Variants in AUTS2 observed in about 807,000 individuals in gnomAD.
The protein encoded by AUTS2 is autism susceptibility gene 2 protein.
In AUTS2, 17 loss-of-function variants were observed where a neutral mutation model predicts 112.4. The ratio of observed to expected loss-of-function variants is 0.15; its 90% CI spans 0.10 to 0.23. AUTS2 has a LOEUF of 0.23. Among genes scored for constraint, AUTS2 ranks in the 10% least tolerant of loss-of-function variants. The pLI is 1.00. For synonymous variants in AUTS2, 751 were observed against 702.7 expected, an observed-to-expected ratio of 1.07 and a Z score of -1.09; for missense variants, 1,510 against 1,701.6, an observed-to-expected ratio of 0.89 and a Z score of 1.98.
At chr7:70,033,280 A>G (rs1289121342) in intron 2 of AUTS2, among the ~76,000 whole-genome samples, 1 of 152,228 alleles carries the variant, frequency 6.6e-6, no homozygotes, top group Non-Finnish European at 1.5e-5. Flanking sequence ...AAAGGTTTTA[A>G]GCAGTGAGCA....
chr7:70,306,273 A>G (rs1486103614), intron 4 of AUTS2, among the ~76,000 whole-genome samples: 2 of 152,196 alleles, frequency 1.3e-5, no homozygotes, highest in Non-Finnish European at 2.9e-5. Context: ...ACTAGTCTTA[A>G]AGTCATAGCA....
intron 2 of AUTS2, among the ~76,000 whole-genome samples, chr7:69,926,497 G>A (rs1452582911): frequency 1.5e-4 from 22 of 143,700 alleles, no homozygotes; most frequent in Admixed American, 8.3e-4. Flanking sequence ...CTATCTGCCT[G>A]CCTACCTACC....
intron 5 of AUTS2, among the ~76,000 whole-genome samples, chr7:70,693,217 T>C (rs1808849864): frequency 6.6e-6 from 1 of 152,212 alleles, no homozygotes; most frequent in South Asian, 2.1e-4. Context: ...CAGGGGAATC[T>C]GCTGAGTGCC....
At chr7:70,011,741 C>A (rs1344043447) in intron 2 of AUTS2, among the ~76,000 whole-genome samples, 1 of 152,154 alleles carries the variant, frequency 6.6e-6, no homozygotes, top group Non-Finnish European at 1.5e-5. Flanking sequence ...TTTGCATAAT[C>A]CAGATTGCTT....
chr7:69,776,205 G>A (rs1788889784), intron 1 of AUTS2, among the ~76,000 whole-genome samples: 1 of 152,154 alleles, frequency 6.6e-6, no homozygotes, highest in Non-Finnish European at 1.5e-5. Flanking sequence ...ATACTTATTA[G>A]GAATCGTCAG....
intron 1 of AUTS2, among the ~76,000 whole-genome samples, chr7:69,884,239 C>G (rs555471452): frequency 2.0e-5 from 3 of 152,330 alleles, no homozygotes; most frequent in East Asian, 1.9e-4. Flanking sequence ...ACAGCTCTTA[C>G]AGATAAACTA....
At chr7:70,760,227 G>A (rs13230628) in intron 6 of AUTS2, among the ~76,000 whole-genome samples, 25 of 152,108 alleles carry the variant, frequency 1.6e-4, no homozygotes, top group South Asian at 1.5e-3. Context: ...GGATGGTCTC[G>A]ATCTCCTGAC....
chr7:69,926,445 GTCTATCTATCTA>G lies in AUTS2; in HGVS notation c.522+26983_522+26994del, dbSNP rs10677736. On this transcript the variant is annotated intron_variant, in intron 2 of 18. Transcript: ENST00000342771. ...CTGAAATCTATCTGTCTGTCTGTCTGTCTATCTATCTATCTATCTATCTATCTATCTATCTAT... is the reference window on the plus strand; with the variant it reads ...CTGAAATCTATCTGTCTGTCTGTCTGTCTATCTATCTATCTATCTATCTAT... 4.5e-3 allele frequency among the ~76,000 whole-genome samples: 556 copies of G among 123,192 alleles called. 2 individuals are homozygous for G. The highest frequency in any genetic ancestry group is 0.013 in the African/African-American group (384 of 30,566). The allele number at this position is 123,192 out of a possible 152,430, so 80.8% of individuals were successfully genotyped here.
intron 5 of AUTS2, among the ~76,000 whole-genome samples, chr7:70,660,228 T>C (rs1001406542): frequency 4.6e-5 from 7 of 151,884 alleles, no homozygotes; most frequent in African/African-American, 1.5e-4. Context: ...TGCAGGCAAC[T>C]GTGCATGGCA....
At chr7:70,544,253 G>A (rs1299502601) in intron 5 of AUTS2, among the ~76,000 whole-genome samples, 1 of 152,184 alleles carries the variant, frequency 6.6e-6, no homozygotes, top group Non-Finnish European at 1.5e-5. Flanking sequence ...TCACTTGGAG[G>A]CATTTTAAGT....
intron 1 of AUTS2, among the ~76,000 whole-genome samples, chr7:69,751,747 T>C (rs1459422683): frequency 1.3e-5 from 2 of 152,230 alleles, no homozygotes; most frequent in African/African-American, 4.8e-5. Context: ...GTATAGTGTT[T>C]AGGCTTAAAA....
chr7:70,445,536 C>A (rs916947023), intron 5 of AUTS2, among the ~76,000 whole-genome samples: 1 of 152,174 alleles, frequency 6.6e-6, no homozygotes, highest in Non-Finnish European at 1.5e-5. Flanking sequence ...ATTGTACAGG[C>A]TCTTCTGAAG....
At chr7:70,681,863 C>T (rs1808229136) in intron 5 of AUTS2, among the ~76,000 whole-genome samples, 1 of 152,138 alleles carries the variant, frequency 6.6e-6, no homozygotes, top group African/African-American at 2.4e-5. Context: ...CATATTCGAC[C>T]CCATGTTTTG....
chr7:70,678,299 T>G (rs1408990132), intron 5 of AUTS2, among the ~76,000 whole-genome samples: 1 of 152,140 alleles, frequency 6.6e-6, no homozygotes, highest in South Asian at 2.1e-4. Context: ...ACAGCGGAAG[T>G]GTGTATGCTT....
At chr7:70,470,532 A>C (rs1291522527) in intron 5 of AUTS2, among the ~76,000 whole-genome samples, 1 of 152,178 alleles carries the variant, frequency 6.6e-6, no homozygotes, top group Non-Finnish European at 1.5e-5. Context: ...TGCTTCCTAG[A>C]GTCAACGCTA....
intron 1 of AUTS2, among the ~76,000 whole-genome samples, chr7:69,693,816 T>C (rs1797445411): frequency 6.6e-6 from 1 of 152,202 alleles, no homozygotes; most frequent in Non-Finnish European, 1.5e-5. Flanking sequence ...AGCCTGGTGG[T>C]TCTCAAAGCA....
chr7:70,533,353 A>G (rs1262410782), intron 5 of AUTS2, among the ~76,000 whole-genome samples: 2 of 152,110 alleles, frequency 1.3e-5, no homozygotes, highest in South Asian at 2.1e-4. Context: ...GGCACACGCG[A>G]TCCTCACACC....
At chr7:69,738,734 A>T (rs1003887057) in intron 1 of AUTS2, among the ~76,000 whole-genome samples, 7 of 152,188 alleles carry the variant, frequency 4.6e-5, no homozygotes, top group South Asian at 2.1e-4. Flanking sequence ...GGCGTGATTG[A>T]TGCCAGAATC....
chr7:70,735,006 G>GAA (rs879469662), intron 6 of AUTS2, among the ~76,000 whole-genome samples: 1 of 142,426 alleles, frequency 7.0e-6, no homozygotes. Flanking sequence ...TCTGGAGGAG[G>GAA]AAAAAAAAAA....
Sources: gnomAD v4.1 joint callset for allele counts (sites outside exome capture counted in the v4.1 genomes callset) on GRCh38, gnomAD v4.1.1 for gene constraint, MANE v1.5 for transcripts, NCBI Gene and HGNC (gene_info 2026-07-23, HGNC 2026-07-21) for gene names.